TMEM120B: variants seen among roughly 807,000 people sequenced by gnomAD.
TMEM120B encodes the protein transmembrane protein 120B.
In TMEM120B, 31 loss-of-function variants were observed where a neutral mutation model predicts 55.5. That is an observed-to-expected ratio of 0.56 (90% CI 0.42 to 0.75). The LOEUF is 0.75. TMEM120B is among the 30% of genes least tolerant of loss of function. TMEM120B has a pLI of 0.00. For synonymous variants in TMEM120B, 203 were observed against 176.3 expected (o/e 1.15, Z -1.20); for missense variants, 399 against 425.5 (o/e 0.94, Z 0.55).
Position 121,781,301 on chromosome 12 carries a change from C to T in TMEM120B, c.*5579C>T. On this transcript the variant is annotated 3_prime_UTR_variant, in exon 12 of 12. Coordinates refer to ENST00000449592, the MANE Select transcript of TMEM120B (RefSeq NM_001080825.2). ...TGACCCTGCCTTAGGGCCTCAATTT[C>T]CTCATCTATACAATGGGCAGCAAGC... is the stretch of plus-strand genomic sequence containing the variant. The T allele has an allele frequency of 1.1e-6, 1 of 920,784 alleles. No homozygotes were observed. The highest frequency in any genetic ancestry group is 1.7e-6 in the Non-Finnish European group (1 of 595,284). The allele number at this position is 920,784 out of a possible 1,614,324, so 57.0% of individuals were successfully genotyped here.
At chr12:121,740,790 A>G (rs915500350) in intron 1 of TMEM120B, among the ~76,000 whole-genome samples, 1 of 152,192 alleles carries the variant, frequency 6.6e-6, no homozygotes, top group African/African-American at 2.4e-5. Flanking sequence ...TGTTCTTACT[A>G]TATACACACT....
chr12:121,719,727 T>A (rs1238388188), intron 1 of TMEM120B, among the ~76,000 whole-genome samples: 1 of 151,954 alleles, frequency 6.6e-6, no homozygotes, highest in Non-Finnish European at 1.5e-5. Context: ...GGAGTTTTGC[T>A]CTTGTTGTCC....
At chr12:121,725,953 C>G (rs1221402303) in intron 1 of TMEM120B, among the ~76,000 whole-genome samples, 1 of 149,438 alleles carries the variant, frequency 6.7e-6, no homozygotes, top group Non-Finnish European at 1.5e-5. Context: ...AGGAGAATGG[C>G]TTGAACCTGA....
chr12:121,769,952 A>G (rs889181958), intron 6 of TMEM120B, among the ~76,000 whole-genome samples: 1 of 152,118 alleles, frequency 6.6e-6, no homozygotes, highest in Non-Finnish European at 1.5e-5. Flanking sequence ...GAGTGGGGCC[A>G]TCAGGCTGGT....
At chr12:121,754,878 G>GT (rs1406979005) in intron 5 of TMEM120B, among the ~76,000 whole-genome samples, 1 of 152,152 alleles carries the variant, frequency 6.6e-6, no homozygotes, top group Admixed American at 6.5e-5. Context: ...CTCTGTGCCG[G>GT]TGCCCCCGGG....
chr12:121,748,481 A>C, intron 3 of TMEM120B, 39 bp downstream of exon 3: 1 of 1,412,276 alleles, frequency 7.1e-7, no homozygotes, highest in South Asian at 1.2e-5. Context: ...GCACAGGCCC[A>C]TGCCCAGGCC....
At chr12:121,746,347 C>T (rs908780620) in intron 2 of TMEM120B, among the ~76,000 whole-genome samples, 1 of 152,010 alleles carries the variant, frequency 6.6e-6, no homozygotes, top group Non-Finnish European at 1.5e-5. Context: ...ACCACCATGC[C>T]CAGCTAATTT....
chr12:121,749,095 C>CGAG (rs1873193805), intron 3 of TMEM120B, among the ~76,000 whole-genome samples: 2 of 152,056 alleles, frequency 1.3e-5, no homozygotes, highest in African/African-American at 4.8e-5. Context: ...ATCAGCCTCG[C>CGAG]GCTGAGTCAG....
chr12:121,754,854 G>T (rs1034674254), intron 5 of TMEM120B, among the ~76,000 whole-genome samples: 3 of 152,188 alleles, frequency 2.0e-5, no homozygotes, highest in African/African-American at 7.2e-5. Context: ...AGGGGGATTG[G>T]ACGGGCCGTT....
intron 9 of TMEM120B, among the ~76,000 whole-genome samples, chr12:121,774,365 G>C (rs143096652): frequency 6.6e-6 from 1 of 152,184 alleles, no homozygotes; most frequent in Non-Finnish European, 1.5e-5. Context: ...ATTATAAAAT[G>C]CAAAACCCTG....
intron 5 of TMEM120B, chr12:121,758,443 C>T (rs1249657770): frequency 1.0e-6 from 1 of 980,660 alleles, no homozygotes; most frequent in Non-Finnish European, 1.2e-6. Flanking sequence ...CTGTGGTCAC[C>T]ATGGAGGAGG....
Position 121,778,734 on chromosome 12 carries a change from G to A in TMEM120B, c.*3012G>A, listed in dbSNP as rs1212567869. ...CTGTCCTACCACAGTGGGGGGAACA[G>A]TCCACAGAAAACTTGCTCATGACCA... On this transcript the variant is annotated 3_prime_UTR_variant, in exon 12 of 12. Coordinates refer to ENST00000449592, the MANE Select transcript of TMEM120B (RefSeq NM_001080825.2). 5 of 152,292 alleles carry A rather than the reference G, an allele frequency of 3.3e-5. No homozygotes were observed. Among genetic ancestry groups the A allele is most frequent in the Admixed American group, 3.3e-4 (5 of 15,284 alleles). 9.4% of individuals were successfully genotyped at this position (152,292 alleles called of 1,614,324 possible).
intron 5 of TMEM120B, among the ~76,000 whole-genome samples, chr12:121,760,285 A>T (rs1873629618): frequency 1.3e-5 from 2 of 150,410 alleles, no homozygotes; most frequent in African/African-American, 4.9e-5. Context: ...CCTGAGCGAG[A>T]CTCTGTCTCA....
At chr12:121,716,133 G>A (rs1317758515) in intron 1 of TMEM120B, among the ~76,000 whole-genome samples, 1 of 151,080 alleles carries the variant, frequency 6.6e-6, no homozygotes, top group Non-Finnish European at 1.5e-5. Flanking sequence ...GGAAACCCCT[G>A]TCTCTACAAA....
At chr12:121,745,616 TC>T (rs1281581734) in intron 2 of TMEM120B, among the ~76,000 whole-genome samples, 7 of 151,858 alleles carry the variant, frequency 4.6e-5, no homozygotes, top group African/African-American at 1.7e-4. Flanking sequence ...GGTCTCAAAT[TC>T]CTGACCTTAA....
rs781608700 is a variant in TMEM120B at position 121,781,221 on chromosome 12, G to C, written c.*5499G>C. On this transcript the variant is annotated 3_prime_UTR_variant, in exon 12 of 12. Coordinates refer to ENST00000449592, the MANE Select transcript of TMEM120B (RefSeq NM_001080825.2). ...AAAGCACAGAGCAGCGGGGGTCAGG[G>C]GACGTCCCCTCCCTGTCTGGACTCT... 7 of 1,599,656 alleles carry C rather than the reference G, an allele frequency of 4.4e-6. No homozygotes were observed. The highest frequency in any genetic ancestry group is 6.0e-6 in the Non-Finnish European group (7 of 1,167,318).
At position 121,748,321 on chromosome 12, in the gene TMEM120B, C is replaced by T. The variant is rs771732615; in HGVS notation, c.189-5C>T. 14 of 1,606,252 alleles carry T rather than the reference C, an allele frequency of 8.7e-6. No homozygotes were observed. Among genetic ancestry groups the T allele is most frequent in the South Asian group, 4.4e-5 (4 of 90,826 alleles). On this transcript the variant is annotated splice_polypyrimidine_tract_variant and splice_region_variant and intron_variant, in intron 2 of 11. Coordinates refer to ENST00000449592, the MANE Select transcript of TMEM120B (RefSeq NM_001080825.2). ...CTTCCCCTGTGCCTGCATCTCTGTC[C>T]GCAGGTGCAAACGCCATGCCAGTCG... is the stretch of plus-strand genomic sequence containing the variant.
In TMEM120B at chr12:121,779,414, C is replaced by A; in HGVS notation, c.*3692C>A. 2.1e-6 allele frequency: 3 copies of A among 1,447,968 alleles called. No individual in the cohort carries two copies. The highest frequency in any genetic ancestry group is 1.2e-5 in the South Asian group (1 of 82,976). 89.7% of individuals were successfully genotyped at this position (1,447,968 alleles called of 1,614,324 possible). On this transcript the variant is annotated 3_prime_UTR_variant, in exon 12 of 12. Transcript: ENST00000449592. ...CCCCAGACACCATGAGCTGGAGGGT[C>A]GGGATGGGGCAGCCTCCCTGGTGCA...
chr12:121,750,248 C>A, intron 3 of TMEM120B, 132 bp from the exon 4 acceptor site: 1 of 813,026 alleles, frequency 1.2e-6, no homozygotes, highest in Non-Finnish European at 2.1e-6. Context: ...GGCCCATTTG[C>A]CCGCTGAGCT....
Sources: gnomAD v4.1 joint callset for allele counts (sites outside exome capture counted in the v4.1 genomes callset) on GRCh38, gnomAD v4.1.1 for gene constraint, MANE v1.5 for transcripts, NCBI Gene and HGNC (gene_info 2026-07-23, HGNC 2026-07-21) for gene names.